Variants in MARCHF1 observed in about 807,000 individuals in gnomAD.
MARCHF1 encodes E3 ubiquitin-protein ligase MARCHF1.
In MARCHF1, 40 loss-of-function variants were observed where a neutral mutation model predicts 54.2. That is an observed-to-expected ratio of 0.74 (90% CI 0.57 to 0.96). The LOEUF is 0.96. MARCHF1 is among the 40% of genes least tolerant of loss of function. The pLI is 0.00. For synonymous variants in MARCHF1, 236 were observed against 236.3 expected (o/e 1.00, Z 0.01); for missense variants, 586 against 656.5 (o/e 0.89, Z 1.17).
chr4:163,915,786 T>C (rs536143537), intron 3 of MARCHF1, among the ~76,000 whole-genome samples: 1 of 152,266 alleles, frequency 6.6e-6, no homozygotes, highest in African/African-American at 2.4e-5. Flanking sequence ...ATGGGTGTTG[T>C]TGTTAGAGCA....
chr4:163,569,748 C>A (rs1739779801), intron 8 of MARCHF1, among the ~76,000 whole-genome samples: 2 of 152,056 alleles, frequency 1.3e-5, no homozygotes, highest in African/African-American at 2.4e-5. Context: ...AAATTATAGG[C>A]TATTGGATTA....
At chr4:164,272,374 A>C (rs1733764882) in intron 1 of MARCHF1, among the ~76,000 whole-genome samples, 1 of 152,098 alleles carries the variant, frequency 6.6e-6, no homozygotes, top group African/African-American at 2.4e-5. Flanking sequence ...ATTTTCCAGC[A>C]AAAAAATAAG....
intron 3 of MARCHF1, among the ~76,000 whole-genome samples, chr4:163,940,005 G>A (rs998207007): frequency 1.3e-5 from 2 of 152,098 alleles, no homozygotes; most frequent in Non-Finnish European, 2.9e-5. Flanking sequence ...AGATAATAAG[G>A]TCACAAGGGT....
chr4:163,653,078 A>G (rs958575026), intron 5 of MARCHF1, among the ~76,000 whole-genome samples: 2 of 150,346 alleles, frequency 1.3e-5, no homozygotes, highest in Non-Finnish European at 3.0e-5. Context: ...GGATGGAGTC[A>G]TTGGTGATGG....
chr4:163,845,490 CA>C (rs1240226540), intron 4 of MARCHF1, among the ~76,000 whole-genome samples: 267 of 151,908 alleles, frequency 1.8e-3, no homozygotes, highest in Middle Eastern at 0.017. Context: ...CACACACACA[CA>C]CACACACACA....
intron 1 of MARCHF1, among the ~76,000 whole-genome samples, chr4:164,355,392 A>C (rs373197079): frequency 8.3e-6 from 1 of 120,022 alleles, no homozygotes; most frequent in Non-Finnish European, 1.8e-5. Context: ...AACCAAAACA[A>C]CATGGTACTG....
At chr4:163,938,063 G>A (rs1296325677) in intron 3 of MARCHF1, among the ~76,000 whole-genome samples, 1 of 152,054 alleles carries the variant, frequency 6.6e-6, no homozygotes, top group Non-Finnish European at 1.5e-5. Context: ...CTGGAATTAA[G>A]TTTTCAACAG....
At chr4:163,846,890 T>G (rs11100519) in intron 4 of MARCHF1, among the ~76,000 whole-genome samples, 128,659 of 152,036 alleles carry the variant, frequency 0.85, 56,054 homozygotes, top group Non-Finnish European at 0.97. Context: ...ATAAAATTTG[T>G]GGAATGCATA....
At chr4:163,712,685 C>T (rs1451582696) in intron 4 of MARCHF1, among the ~76,000 whole-genome samples, 1 of 152,112 alleles carries the variant, frequency 6.6e-6, no homozygotes, top group Non-Finnish European at 1.5e-5. Context: ...TTCTATAAAA[C>T]AGCTGAGGAT....
chr4:163,990,926 T>G (rs1207969683), intron 2 of MARCHF1, among the ~76,000 whole-genome samples: 1 of 152,170 alleles, frequency 6.6e-6, no homozygotes, highest in Non-Finnish European at 1.5e-5. Flanking sequence ...TTCATTAAAG[T>G]TATAGGAAAG....
intron 1 of MARCHF1, among the ~76,000 whole-genome samples, chr4:164,303,267 G>A (rs1169861164): frequency 6.6e-6 from 1 of 152,126 alleles, no homozygotes; most frequent in African/African-American, 2.4e-5. Context: ...TTTATAATTT[G>A]TGACCAAACT....
chr4:163,961,493 A>G (rs990821713), intron 3 of MARCHF1, among the ~76,000 whole-genome samples: 1 of 151,934 alleles, frequency 6.6e-6, no homozygotes, highest in Non-Finnish European at 1.5e-5. Flanking sequence ...AGTGGAAGCA[A>G]AAAATAATAA....
intron 4 of MARCHF1, among the ~76,000 whole-genome samples, chr4:163,804,534 T>C (rs1245364269): frequency 1.3e-5 from 2 of 152,160 alleles, no homozygotes; most frequent in Admixed American, 6.5e-5. Flanking sequence ...TGAAAATATC[T>C]GGAAGAAGAC....
At chr4:164,040,177 T>C (rs1754094995) in intron 2 of MARCHF1, among the ~76,000 whole-genome samples, 1 of 144,594 alleles carries the variant, frequency 6.9e-6, no homozygotes, top group African/African-American at 2.5e-5. Context: ...TATATATAAA[T>C]ATACAAATAT....
chr4:164,019,534 T>C (rs1753616143), intron 2 of MARCHF1, among the ~76,000 whole-genome samples: 1 of 152,196 alleles, frequency 6.6e-6, no homozygotes, highest in South Asian at 2.1e-4. Context: ...TGTGACAAAG[T>C]AGCATCACAA....
chr4:164,278,701 G>C (rs1422578577), intron 1 of MARCHF1, among the ~76,000 whole-genome samples: 3 of 152,142 alleles, frequency 2.0e-5, no homozygotes, highest in Non-Finnish European at 4.4e-5. Flanking sequence ...CCATTTTATA[G>C]CTGGGGATGT....
chr4:164,316,536 C>G (rs1219192187), intron 1 of MARCHF1, among the ~76,000 whole-genome samples: 2 of 152,160 alleles, frequency 1.3e-5, no homozygotes, highest in Non-Finnish European at 2.9e-5. Flanking sequence ...TAACAAAAGT[C>G]TGCCTAAAAT....
intron 3 of MARCHF1, among the ~76,000 whole-genome samples, chr4:163,863,430 T>C (rs1019352062): frequency 1.3e-5 from 2 of 152,056 alleles, no homozygotes; most frequent in African/African-American, 4.8e-5. Flanking sequence ...ACAGAACAAT[T>C]AGACAGAGGT....
In MARCHF1 at chr4:164,107,099, A is replaced by G. The variant is rs997394903; in HGVS notation, c.-248+4489T>C. Among the ~76,000 whole-genome samples the G allele has an allele frequency of 1.2e-4, 18 of 152,318 alleles. No homozygotes were observed. In the East Asian group the frequency reaches 1.4e-3, roughly 11 times the overall value. ...ATCCTTTCTTTTAGACAAGGAGAGT[A>G]TAATAAATACAAAGCTATGTGCTAA... On this transcript the variant is annotated intron_variant, in intron 2 of 9. Coordinates refer to ENST00000514618, the MANE Select transcript of MARCHF1 (RefSeq NM_001394959.1).
Sources: gnomAD v4.1 joint callset for allele counts (sites outside exome capture counted in the v4.1 genomes callset) on GRCh38, gnomAD v4.1.1 for gene constraint, MANE v1.5 for transcripts, NCBI Gene and HGNC (gene_info 2026-07-23, HGNC 2026-07-21) for gene names.